KLHL8: variants seen among roughly 807,000 people sequenced by gnomAD.
KLHL8 encodes the protein kelch like family member 8, also known as kelch-like protein 8.
Under a neutral mutation model 63.5 loss-of-function variants are expected in KLHL8, and 38 were observed. That is an observed-to-expected ratio of 0.60 (90% CI 0.46 to 0.78). The LOEUF is 0.78. Ranked by LOEUF, KLHL8 falls within the 30% of genes least tolerant of loss-of-function variation. KLHL8 has a pLI of 0.00. For synonymous variants in KLHL8, 224 were observed against 254.3 expected, an observed-to-expected ratio of 0.88 and a Z score of 1.13; for missense variants, 566 against 752.4, an observed-to-expected ratio of 0.75 and a Z score of 2.90.
rs35607781 is a variant in KLHL8 at position 87,190,033 on chromosome 4, C to CAA, written c.217-4236_217-4235dup. On this transcript the variant is annotated intron_variant, in intron 2 of 9. Coordinates refer to ENST00000273963, the MANE Select transcript of KLHL8 (RefSeq NM_020803.5). ...TGGGCAACAGAGTGAGCCTCCATCT[C>CAA]AAAAAAAAAAAAAAAAAAAAGAATT... Among the ~76,000 whole-genome samples, 112 of 76,612 alleles carry CAA rather than the reference C, an allele frequency of 1.5e-3. 1 individual carries two copies. Among genetic ancestry groups the CAA allele is most frequent in the South Asian group, 3.5e-3 (8 of 2,308 alleles). 50.3% of individuals were successfully genotyped at this position (76,612 alleles called of 152,430 possible).
Position 87,163,931 on chromosome 4 carries a change from A to G in KLHL8, c.1686T>C (p.His562=), listed in dbSNP as rs763844436. 2 of 1,614,196 alleles carry G rather than the reference A, an allele frequency of 1.2e-6. No individual in the cohort carries two copies. Among genetic ancestry groups the G allele is most frequent in the Non-Finnish European group, 1.7e-6 (2 of 1,180,026 alleles). Residue 562 remains histidine, a synonymous_variant, in exon 9 of 10, where the codon CAT becomes CAC. Coordinates refer to ENST00000273963, the MANE Select transcript of KLHL8 (RefSeq NM_020803.5). ...CTGTATTTAAGTATGCATTGCCATT[A>G]TGACCACCAACTGCAAAGATTTTGC... ...VMGKIFAVGG[H]NGNAYLNTVE...
intron 2 of KLHL8, among the ~76,000 whole-genome samples, chr4:87,192,211 CTAATCTACATTCCCACCAA>C (rs1731521380): frequency 1.3e-5 from 2 of 152,308 alleles, no homozygotes; most frequent in South Asian, 4.1e-4. Context: ...AGTGGCTGAA[CTAATCTACATTCCCACCAA>C]CAGTGTATAA....
At chr4:87,187,395 C>CTTT (rs772906955) in intron 2 of KLHL8, among the ~76,000 whole-genome samples, 2 of 132,176 alleles carry the variant, frequency 1.5e-5, no homozygotes, top group Non-Finnish European at 3.3e-5. Context: ...AAGATCTCAT[C>CTTT]TTTTTTTTTC....
chr4:87,218,392 T>C (rs1732683051), intron 1 of KLHL8, among the ~76,000 whole-genome samples: 1 of 152,008 alleles, frequency 6.6e-6, no homozygotes, highest in South Asian at 2.1e-4. Flanking sequence ...AATTTTTTTG[T>C]ATTTTTAGTA....
chr4:87,234,187 C>T (rs930839257), intron 1 of KLHL8, among the ~76,000 whole-genome samples: 4 of 152,242 alleles, frequency 2.6e-5, no homozygotes, highest in Admixed American at 6.5e-5. Flanking sequence ...CGCCTGTAAC[C>T]CAAGCACTTT....
intron 1 of KLHL8, among the ~76,000 whole-genome samples, chr4:87,219,326 T>C (rs1456723109): frequency 2.6e-5 from 4 of 152,218 alleles, no homozygotes; most frequent in African/African-American, 9.7e-5. Context: ...GAGGATTTCC[T>C]TCTAGAGAGA....
chr4:87,188,988 C>T (rs1039972490), intron 2 of KLHL8, among the ~76,000 whole-genome samples: 4 of 152,144 alleles, frequency 2.6e-5, no homozygotes, highest in South Asian at 2.1e-4. Context: ...TTAAATTTAA[C>T]GGAGTTTAAC....
chr4:87,183,742 C>T (rs1245967058), intron 3 of KLHL8, among the ~76,000 whole-genome samples: 2 of 152,124 alleles, frequency 1.3e-5, no homozygotes, highest in African/African-American at 4.8e-5. Context: ...TCACAAGGCC[C>T]TTCTATTGAT....
chr4:87,171,567 G>A (rs185810597), intron 6 of KLHL8, among the ~76,000 whole-genome samples: 6 of 152,288 alleles, frequency 3.9e-5, no homozygotes, highest in Admixed American at 2.6e-4. Context: ...AAATGTTCAG[G>A]TGTGTGAGAA....
At chr4:87,209,590 C>T (rs1732306012) in intron 1 of KLHL8, among the ~76,000 whole-genome samples, 1 of 152,176 alleles carries the variant, frequency 6.6e-6, no homozygotes, top group Non-Finnish European at 1.5e-5. Flanking sequence ...ATAGCAAAAG[C>T]TTAAAGATAC....
intron 1 of KLHL8, among the ~76,000 whole-genome samples, chr4:87,206,149 T>G (rs1732123679): frequency 6.6e-6 from 1 of 152,188 alleles, no homozygotes; most frequent in South Asian, 2.1e-4. Context: ...AAATCTCTGT[T>G]CATCCATCCC....
chr4:87,197,070 A>G (rs1028827822), intron 1 of KLHL8, among the ~76,000 whole-genome samples: 1 of 152,198 alleles, frequency 6.6e-6, no homozygotes, highest in Non-Finnish European at 1.5e-5. Flanking sequence ...ACAGAAATCA[A>G]TGGTTAATGT....
chr4:87,174,767 GA>G (rs902281812), intron 6 of KLHL8, among the ~76,000 whole-genome samples: 14 of 151,344 alleles, frequency 9.3e-5, no homozygotes, highest in South Asian at 4.2e-4. Flanking sequence ...CAATAAAGTT[GA>G]AAAAAAATAG....
chr4:87,185,358 T>C lies in KLHL8; in HGVS notation c.658A>G (p.Ser220Gly), dbSNP rs751830774. ...TTTTCATTTTCAATATTTAGATCAC[T>C]GGAGGACAAAAGCTTATGGAGGTGC... ...PQHLHKLLSS[S>G]DLNIENEKQV... Residue 220 changes from serine to glycine, a missense_variant, in exon 3 of 10, where the codon AGT becomes GGT. Physicochemically the swap from Ser to Gly is moderately conservative, Grantham distance 56. Transcript: ENST00000273963. The C allele has an allele frequency of 3.1e-6, 5 of 1,614,198 alleles. No homozygotes were observed. Among genetic ancestry groups the C allele is most frequent in the Non-Finnish European group, 4.2e-6 (5 of 1,180,026 alleles).
intron 1 of KLHL8, among the ~76,000 whole-genome samples, chr4:87,209,829 A>G (rs1270349534): frequency 6.8e-6 from 1 of 147,386 alleles, no homozygotes; most frequent in Admixed American, 6.8e-5. Flanking sequence ...TCCAAATGGC[A>G]CTTGGTGTTC....
rs778796589 is a variant in KLHL8 at position 87,185,398 on chromosome 4, T to A, written c.618A>T (p.Val206=). 57 of 1,614,064 alleles carry A rather than the reference T, an allele frequency of 3.5e-5. 2 individuals carry two copies. In the South Asian group the frequency reaches 6.3e-4, roughly 18 times the overall value. Residue 206 remains valine, a synonymous_variant, in exon 3 of 10, where the codon GTA becomes GTT. Coordinates refer to ENST00000273963, the MANE Select transcript of KLHL8 (RefSeq NM_020803.5). ...FTEVVECEDF[V]SVSPQHLHKL... is the part of the protein sequence containing the mutation. ...TATGGAGGTGCTGCGGTGATACACT[T>A]ACAAAGTCTTCACACTCCACTACTT...
chr4:87,219,614 C>T (rs1448726637), intron 1 of KLHL8: 1 of 152,308 alleles, frequency 6.6e-6, no homozygotes, highest in Non-Finnish European at 1.5e-5. Context: ...CAGTAAAGCA[C>T]GAGACACGTA....
At position 87,161,374 on chromosome 4, in the gene KLHL8, T is replaced by C. The variant is rs6840470; in HGVS notation, c.*2145A>G. ...ATCTTTTCATACTGCTGTCAGGTCCTTCAAGGCTATGCTTCTGATTGCCCA... is the reference window on the plus strand; with the variant it reads ...ATCTTTTCATACTGCTGTCAGGTCCCTCAAGGCTATGCTTCTGATTGCCCA... On this transcript the variant is annotated 3_prime_UTR_variant, in exon 10 of 10. Transcript: ENST00000273963. 46,694 of 152,072 alleles carry C rather than the reference T, an allele frequency of 0.31. 7,833 individuals carry two copies. Among genetic ancestry groups the C allele is most frequent in the Middle Eastern group, 0.44 (129 of 292 alleles). 9.4% of individuals were successfully genotyped at this position (152,072 alleles called of 1,614,324 possible). A position where few individuals can be genotyped will look rare whatever the true frequency, so the allele number is the denominator to read the frequency against.
intron 1 of KLHL8, among the ~76,000 whole-genome samples, chr4:87,212,925 T>C (rs1044474140): frequency 3.3e-5 from 5 of 152,180 alleles, no homozygotes; most frequent in Admixed American, 6.6e-5. Flanking sequence ...AATGGCAAAA[T>C]TGCCTATTAA....
Sources: allele counts gnomAD v4.1 joint callset (sites outside exome capture counted in the v4.1 genomes callset), GRCh38; gene constraint gnomAD v4.1.1; transcripts MANE v1.5; gene names NCBI Gene and HGNC (gene_info 2026-07-23, HGNC 2026-07-21).